LRRC8D: variants seen among roughly 807,000 people sequenced by gnomAD.
The protein encoded by LRRC8D is leucine rich repeat containing 8 VRAC subunit D.
Under a neutral mutation model 55.8 loss-of-function variants are expected in LRRC8D, and 20 were observed. That is an observed-to-expected ratio of 0.36 (90% confidence interval 0.25 to 0.52). The LOEUF (loss-of-function observed/expected upper bound fraction) is 0.52, where lower values mean the gene tolerates loss of function less well. Ranked by LOEUF, LRRC8D falls within the 20% of genes least tolerant of loss-of-function variation. LRRC8D has a pLI of 0.93. For missense variants in LRRC8D, 651 were observed against 1,030.8 expected (o/e 0.63, Z 5.05); for synonymous variants, 352 against 377.0 (o/e 0.93, Z 0.77).
Position 89,835,556 on chromosome 1 carries a change from G to C in LRRC8D, c.-147-8082G>C, listed in dbSNP as rs574463439. ...TTGCTGTTTCTTTTAGAAGGCAGAGGAATATATGGGATTTTATTGTGGGCT... is the reference window on the plus strand; with the variant it reads ...TTGCTGTTTCTTTTAGAAGGCAGAGCAATATATGGGATTTTATTGTGGGCT... On this transcript the variant is annotated intron_variant, in intron 1 of 2. Coordinates refer to ENST00000337338, the MANE Select transcript of LRRC8D (RefSeq NM_001134479.2). 2.6e-5 allele frequency among the ~76,000 whole-genome samples: 4 copies of C among 152,288 alleles called. No individual in the cohort carries two copies. In the South Asian group the frequency reaches 8.3e-4, roughly 32 times the overall value.
intron 2 of LRRC8D, among the ~76,000 whole-genome samples, chr1:89,901,565 C>T (rs891241633): frequency 1.2e-4 from 18 of 152,180 alleles, no homozygotes; most frequent in Non-Finnish European, 2.9e-5. Flanking sequence ...CCTGTCCCTG[C>T]CAACTCCATT....
intron 2 of LRRC8D, among the ~76,000 whole-genome samples, chr1:89,916,003 A>G (rs1663258922): frequency 6.6e-6 from 1 of 152,220 alleles, no homozygotes; most frequent in African/African-American, 2.4e-5. Context: ...GAAAGATAGT[A>G]TGTTTGTTTA....
chr1:89,852,689 G>A (rs942564812), intron 2 of LRRC8D, among the ~76,000 whole-genome samples: 2 of 152,186 alleles, frequency 1.3e-5, no homozygotes, highest in Admixed American at 6.5e-5. Flanking sequence ...TTGTTTGTGA[G>A]GAAGGAATTC....
At chr1:89,896,380 T>A (rs1662712938) in intron 2 of LRRC8D, among the ~76,000 whole-genome samples, 1 of 152,092 alleles carries the variant, frequency 6.6e-6, no homozygotes, top group South Asian at 2.1e-4. Flanking sequence ...GATAAAAATG[T>A]TTATGTGCCT....
At chr1:89,916,204 A>G (rs1466648977) in intron 2 of LRRC8D, among the ~76,000 whole-genome samples, 1 of 152,238 alleles carries the variant, frequency 6.6e-6, no homozygotes, top group Non-Finnish European at 1.5e-5. Flanking sequence ...GGAAGAAACC[A>G]TTAATTCCAA....
intron 2 of LRRC8D, among the ~76,000 whole-genome samples, chr1:89,862,686 A>C (rs755629133): frequency 1.3e-5 from 2 of 152,238 alleles, no homozygotes; most frequent in Non-Finnish European, 2.9e-5. Flanking sequence ...GTTCCAGGTT[A>C]TACAGCTTAT....
chr1:89,892,518 T>G (rs1012343068), intron 2 of LRRC8D, among the ~76,000 whole-genome samples: 1 of 152,128 alleles, frequency 6.6e-6, no homozygotes, highest in South Asian at 2.1e-4. Flanking sequence ...TAGATTGATA[T>G]TTCCTTTTTT....
intron 1 of LRRC8D, among the ~76,000 whole-genome samples, chr1:89,828,921 T>C (rs1256986885): frequency 5.9e-5 from 9 of 152,162 alleles, no homozygotes; most frequent in African/African-American, 2.2e-4. Context: ...AGAAAGGATG[T>C]ACAAGAAGAC....
chr1:89,915,983 A>G (rs528505362), intron 2 of LRRC8D, among the ~76,000 whole-genome samples: 2 of 152,346 alleles, frequency 1.3e-5, no homozygotes, highest in East Asian at 3.9e-4. Flanking sequence ...AAGTCTCACA[A>G]AAAAAGAGAG....
rs559279167 is a variant in LRRC8D at position 89,889,674 on chromosome 1, G to A, written c.-2-43393G>A. On this transcript the variant is annotated intron_variant, in intron 2 of 2. Transcript: ENST00000337338. ...AGGCTGGTGGATCACTTGAAGTCAG[G>A]GGTTCGAGACCAGCCTGGCGAACAT... 6.7e-5 allele frequency among the ~76,000 whole-genome samples: 10 copies of A among 150,376 alleles called. No individual in the cohort carries two copies. In the South Asian group the frequency reaches 1.9e-3, roughly 28 times the overall value.
intron 2 of LRRC8D, among the ~76,000 whole-genome samples, chr1:89,904,036 C>T (rs1026905713): frequency 3.3e-5 from 5 of 152,190 alleles, no homozygotes; most frequent in African/African-American, 1.2e-4. Context: ...GACCACCTAA[C>T]TTCCCCCTAC....
At chr1:89,857,547 A>G (rs1297676756) in intron 2 of LRRC8D, among the ~76,000 whole-genome samples, 1 of 152,220 alleles carries the variant, frequency 6.6e-6, no homozygotes, top group Non-Finnish European at 1.5e-5. Context: ...GAAAGAGGTA[A>G]ATCACAGCGA....
At chr1:89,843,518 A>G (rs1047829620) in intron 1 of LRRC8D, 120 bp from the exon 2 acceptor site, 1 of 621,706 alleles carries the variant, frequency 1.6e-6, no homozygotes, top group Non-Finnish European at 3.0e-6. Context: ...GGTGCCCACC[A>G]TGGCAGTTAT....
intron 2 of LRRC8D, among the ~76,000 whole-genome samples, chr1:89,879,927 A>G (rs1236840288): frequency 1.3e-5 from 2 of 152,182 alleles, no homozygotes; most frequent in Non-Finnish European, 2.9e-5. Context: ...ATTGAATTAC[A>G]AAAAGGTAAG....
intron 2 of LRRC8D, among the ~76,000 whole-genome samples, chr1:89,864,487 CCAAGCCCTCT>C (rs1294423291): frequency 6.6e-6 from 1 of 152,058 alleles, no homozygotes; most frequent in Non-Finnish European, 1.5e-5. Context: ...CAATGAAGTG[CCAAGCCCTCT>C]CAATTCTATC....
At chr1:89,879,021 T>G (rs1662215984) in intron 2 of LRRC8D, among the ~76,000 whole-genome samples, 1 of 151,808 alleles carries the variant, frequency 6.6e-6, no homozygotes, top group South Asian at 2.1e-4. Flanking sequence ...AGGACTGGAT[T>G]GCGCAGTAAG....
intron 2 of LRRC8D, among the ~76,000 whole-genome samples, chr1:89,873,165 A>G (rs940637561): frequency 6.6e-6 from 1 of 152,166 alleles, no homozygotes; most frequent in Admixed American, 6.6e-5. Flanking sequence ...GAACATCAAG[A>G]TACTAATTCA....
At chr1:89,890,181 C>T (rs1557469742) in intron 2 of LRRC8D, among the ~76,000 whole-genome samples, 1 of 151,392 alleles carries the variant, frequency 6.6e-6, no homozygotes, top group Non-Finnish European at 1.5e-5. Context: ...GAGCAAGACT[C>T]TGTCTCAATA....
At position 89,935,520 on chromosome 1, in the gene LRRC8D, G is replaced by A; in HGVS notation, c.2452G>A (p.Gly818Ser). The change falls in exon 3 of 3, where the codon GGC (glycine) becomes AGC (serine). Residue 818 changes from glycine (G) to serine (S), a missense_variant. Physicochemically the swap from Gly to Ser is moderately conservative, Grantham distance 56. Transcript: ENST00000337338. ...CTTGGACCGCCTGCCAGCCCAGCTG[G>A]GCCAGTGTCGGATGCTCAAGAAAAG... ...NCLDRLPAQLGQCRMLKKSGL... is the reference protein window; with the variant it reads ...NCLDRLPAQLSQCRMLKKSGL... 6.2e-7 allele frequency: 1 copy of A among 1,614,232 alleles called. No individual in the cohort carries two copies. Among genetic ancestry groups the A allele is most frequent in the African/African-American group, 1.3e-5 (1 of 75,078 alleles).
Sources: allele counts gnomAD v4.1 joint callset (sites outside exome capture counted in the v4.1 genomes callset), GRCh38; gene constraint gnomAD v4.1.1; transcripts MANE v1.5; gene names NCBI Gene and HGNC (gene_info 2026-07-23, HGNC 2026-07-21).